Variants in RNF216 observed in about 807,000 individuals in gnomAD.
The protein encoded by RNF216 is E3 ubiquitin-protein ligase RNF216.
A neutral mutation model predicts 110.8 loss-of-function variants in RNF216; 72 were observed. The ratio of observed to expected loss-of-function variants is 0.65; its 90% CI spans 0.54 to 0.79. The LOEUF (loss-of-function observed/expected upper bound fraction) is 0.79, where lower values mean the gene tolerates loss of function less well. RNF216 is among the 30% of genes least tolerant of loss of function. The pLI is 0.00. For missense variants in RNF216, 1,342 were observed against 1,141.2 expected (o/e 1.18, Z -2.54); for synonymous variants, 495 against 407.5 (o/e 1.21, Z -2.59).
intron 13 of RNF216, among the ~76,000 whole-genome samples, chr7:5,673,278 G>GCTTACGGTATCTAATTA (rs1166876226): frequency 6.6e-6 from 1 of 152,226 alleles, no homozygotes. Context: ...TATCTACCCT[G>GCTTACGGTATCTAATTA]CCTGCTTACG....
chr7:5,760,091 AT>A (rs145631108), intron 2 of RNF216, among the ~76,000 whole-genome samples: 8,532 of 152,214 alleles, frequency 0.056, 791 homozygotes, highest in African/African-American at 0.19. Flanking sequence ...CCTCAGCATG[AT>A]TTTTTTCCTT....
chr7:5,696,536 A>T lies in RNF216; in HGVS notation c.2061+15225T>A, dbSNP rs1188332996. 4.6e-5 allele frequency among the ~76,000 whole-genome samples: 7 copies of T among 152,134 alleles called. No homozygotes were observed. The highest frequency in any genetic ancestry group is 1.0e-4 in the Non-Finnish European group (7 of 68,016). On this transcript the variant is annotated intron_variant, in intron 13 of 16. Coordinates refer to ENST00000389902, the MANE Select transcript of RNF216 (RefSeq NM_207111.4). The surrounding 1 kb of genome is among the most constrained non-coding windows in gnomAD (Gnocchi z 5.4). ...ACCCACACACACCACAGGAAGGAGG[A>T]GCAGGCCGGGGCAGCCTCCTAGACA... is the stretch of plus-strand genomic sequence containing the variant.
At chr7:5,632,985 T>C (rs1006149823) in intron 15 of RNF216, among the ~76,000 whole-genome samples, 11 of 151,860 alleles carry the variant, frequency 7.2e-5, no homozygotes, top group Non-Finnish European at 1.5e-5. Flanking sequence ...GAAGAGCACT[T>C]TCTGTTTTTT....
At chr7:5,623,218 A>ACCAACCTCAATGGAAT in intron 16 of RNF216, 39 bp from the exon 17 acceptor site, 1 of 1,514,130 alleles carries the variant, frequency 6.6e-7, no homozygotes, top group Non-Finnish European at 8.9e-7. Context: ...AAAACATTAA[A>ACCAACCTCAATGGAAT]CCAACCTCAA....
chr7:5,771,688 T>C (rs547718994), intron 1 of RNF216, among the ~76,000 whole-genome samples: 1 of 152,024 alleles, frequency 6.6e-6, no homozygotes, highest in South Asian at 2.1e-4. Context: ...TCCCAGCTAC[T>C]CAGGAGGCTG....
intron 2 of RNF216, among the ~76,000 whole-genome samples, chr7:5,758,723 C>T (rs1402822407): frequency 6.6e-6 from 1 of 152,164 alleles, no homozygotes; most frequent in African/African-American, 2.4e-5. Context: ...ATACGCAATG[C>T]ATGTACCCCC....
intron 13 of RNF216, among the ~76,000 whole-genome samples, chr7:5,656,713 C>T (rs1788769626): frequency 1.3e-5 from 2 of 152,200 alleles, no homozygotes. Context: ...ATGAGGTCTT[C>T]ACTTTGCAAT....
At chr7:5,754,132 GTGT>G (rs2128665172) in intron 2 of RNF216, among the ~76,000 whole-genome samples, 1 of 146,900 alleles carries the variant, frequency 6.8e-6, no homozygotes, top group Admixed American at 6.7e-5. Flanking sequence ...GTGTGTGTGT[GTGT>G]GTGTGTGTGT....
Position 5,657,699 on chromosome 7 carries a change from G to A in RNF216, c.2062-5189C>T, listed in dbSNP as rs897555692. Among the ~76,000 whole-genome samples the A allele has an allele frequency of 1.4e-4, 22 of 152,204 alleles. 1 individual carries two copies. Among genetic ancestry groups the A allele is most frequent in the Non-Finnish European group, 2.2e-4 (15 of 68,042 alleles). On this transcript the variant is annotated intron_variant, in intron 13 of 16. Transcript: ENST00000389902. ...AGGACCGTGGGCTTCCAGGCCATCT[G>A]TGTCTTCTAGTTGTCAAAGATGCTG... is the stretch of plus-strand genomic sequence containing the variant.
At chr7:5,639,469 C>T (rs565283857) in intron 15 of RNF216, among the ~76,000 whole-genome samples, 1 of 152,064 alleles carries the variant, frequency 6.6e-6, no homozygotes, top group African/African-American at 2.4e-5. Flanking sequence ...CATGGCTCCA[C>T]ATTTTTTTTT....
chr7:5,662,749 T>C (rs1437012149), intron 13 of RNF216, among the ~76,000 whole-genome samples: 1 of 152,086 alleles, frequency 6.6e-6, no homozygotes, highest in Non-Finnish European at 1.5e-5. Flanking sequence ...CTGAGGAAGA[T>C]GGTGAGTACC....
chr7:5,716,032 C>T (rs568597676), intron 10 of RNF216, among the ~76,000 whole-genome samples: 1 of 152,230 alleles, frequency 6.6e-6, no homozygotes, highest in African/African-American at 2.4e-5. Context: ...TGAGCCACTG[C>T]ATCCAGCCCC....
At chr7:5,749,420 G>C (rs1431230601) in intron 3 of RNF216, among the ~76,000 whole-genome samples, 1 of 152,032 alleles carries the variant, frequency 6.6e-6, no homozygotes, top group African/African-American at 2.4e-5. Context: ...CAAAGTGCTG[G>C]GATTACAGGC....
At chr7:5,726,085 C>T (rs148725113) in intron 7 of RNF216, among the ~76,000 whole-genome samples, 38 of 151,928 alleles carry the variant, frequency 2.5e-4, no homozygotes, top group South Asian at 2.1e-3. Flanking sequence ...AAGGCTTGCC[C>T]GGGCAACATG....
intron 2 of RNF216, among the ~76,000 whole-genome samples, chr7:5,756,331 G>A (rs537770516): frequency 6.1e-4 from 93 of 152,296 alleles, no homozygotes; most frequent in Middle Eastern, 6.8e-3. Context: ...TCCTAGCAGT[G>A]TGAAAGCAGA....
At position 5,741,820 on chromosome 7, in the gene RNF216, GA is replaced by G. The variant is rs765234979; in HGVS notation, c.202-6del. The G allele has an allele frequency of 4.4e-6, 7 of 1,580,864 alleles. No homozygotes were observed. In the South Asian group the frequency reaches 8.2e-5, roughly 19 times the overall value. ...TGATCTCTGAGGTTTATTTGTCTAAGAAAAAATGAAATTTTAATAATTCAAT... is the reference window on the plus strand; with the variant it reads ...TGATCTCTGAGGTTTATTTGTCTAAGAAAAATGAAATTTTAATAATTCAAT... On this transcript the variant is annotated splice_polypyrimidine_tract_variant and splice_region_variant and intron_variant, in intron 3 of 16. Coordinates refer to ENST00000389902, the MANE Select transcript of RNF216 (RefSeq NM_207111.4).
chr7:5,718,457 TTTTA>T (rs1793203022), intron 9 of RNF216, among the ~76,000 whole-genome samples: 1 of 152,192 alleles, frequency 6.6e-6, no homozygotes. Context: ...GTTTTATAGT[TTTTA>T]TTTCAGAACT....
At position 5,722,653 on chromosome 7, in the gene RNF216, G is replaced by A. The variant is rs564373808; in HGVS notation, c.1505-1481C>T. ...GATCCGCCTGCCTCGGCCTCCCAAAGTGCCAGGATTACAGGCATGAGCCAC... is the reference window on the plus strand; with the variant it reads ...GATCCGCCTGCCTCGGCCTCCCAAAATGCCAGGATTACAGGCATGAGCCAC... On this transcript the variant is annotated intron_variant, in intron 8 of 16. Coordinates refer to ENST00000389902, the MANE Select transcript of RNF216 (RefSeq NM_207111.4). Among the ~76,000 whole-genome samples the A allele has an allele frequency of 2.5e-3, 379 of 151,988 alleles. 3 individuals are homozygous for A. Among genetic ancestry groups the A allele is most frequent in the Middle Eastern group, 0.014 (4 of 294 alleles).
At chr7:5,766,525 T>C (rs970813502) in intron 1 of RNF216, among the ~76,000 whole-genome samples, 2 of 152,152 alleles carry the variant, frequency 1.3e-5, no homozygotes, top group Non-Finnish European at 2.9e-5. Flanking sequence ...TTGCTTTTTC[T>C]CTCCATCATG....
Sources: gnomAD v4.1 joint callset for allele counts (sites outside exome capture counted in the v4.1 genomes callset) on GRCh38, gnomAD v4.1.1 for gene constraint, Gnocchi (gnomAD v3.1) non-coding constraint, MANE v1.5 for transcripts, NCBI Gene and HGNC (gene_info 2026-07-23, HGNC 2026-07-21) for gene names.